Variants in PACSIN1 observed in about 807,000 individuals in gnomAD.
PACSIN1 encodes protein kinase C and casein kinase substrate in neurons 1.
A neutral mutation model predicts 59.5 loss-of-function variants in PACSIN1; 15 were observed. The observed-to-expected ratio is 0.25, with a 90% CI of 0.17 to 0.39. PACSIN1 has a LOEUF of 0.39. PACSIN1 is among the 10% of genes least tolerant of loss of function. The pLI is 1.00. For missense variants in PACSIN1, 420 were observed against 580.2 expected, an observed-to-expected ratio of 0.72 and a Z score of 2.84; for synonymous variants, 210 against 220.6, an observed-to-expected ratio of 0.95 and a Z score of 0.42.
intron 1 of PACSIN1, among the ~76,000 whole-genome samples, chr6:34,524,015 C>T (rs957572413): frequency 1.3e-5 from 2 of 152,170 alleles, no homozygotes; most frequent in East Asian, 3.9e-4. Flanking sequence ...CTGCGAATTG[C>T]CCATGGTCAC....
chr6:34,483,214 T>C (rs117167330), intron 1 of PACSIN1, among the ~76,000 whole-genome samples: 1,678 of 151,614 alleles, frequency 0.011, 42 homozygotes, highest in East Asian at 0.095. Flanking sequence ...CCATGTTATC[T>C]AGGCTGATCT....
At position 34,518,892 on chromosome 6, in the gene PACSIN1, C is replaced by T. The variant is rs1476796205; in HGVS notation, c.-63-7351C>T. Reference sequence around the variant, plus strand: ...CTGGTCTTACTCCCTGATGAGCCTGCCCCACCTGAAACAGGCTTAGAGGCC... The same window carrying T: ...CTGGTCTTACTCCCTGATGAGCCTGTCCCACCTGAAACAGGCTTAGAGGCC... On this transcript the variant is annotated intron_variant, in intron 1 of 9. Transcript: ENST00000244458. The surrounding 1 kb of genome is among the most constrained non-coding windows in gnomAD (Gnocchi z 4.4). Among the ~76,000 whole-genome samples the T allele has an allele frequency of 6.6e-6, 1 of 152,212 alleles. No homozygotes were observed. Among genetic ancestry groups the T allele is most frequent in the Non-Finnish European group, 1.5e-5 (1 of 68,040 alleles).
At chr6:34,526,452 C>A in intron 2 of PACSIN1, 84 bp downstream of exon 2, 1 of 1,128,594 alleles carries the variant, frequency 8.9e-7, no homozygotes, top group Non-Finnish European at 1.3e-6. Flanking sequence ...CACCCCATGA[C>A]CTCAGGCCCC....
rs139013835 is a variant in PACSIN1, at chr6:34,514,326, C to T, written c.-63-11917C>T. 3.2e-4 allele frequency among the ~76,000 whole-genome samples: 48 copies of T among 152,178 alleles called. No homozygotes were observed. In the East Asian group the frequency reaches 7.5e-3, roughly 24 times the overall value. On this transcript the variant is annotated intron_variant, in intron 1 of 9. Coordinates refer to ENST00000244458, the MANE Select transcript of PACSIN1 (RefSeq NM_020804.5). This position sits in a 1 kb window ranked among gnomAD's most constrained non-coding sequence, Gnocchi z 4.4. The stretch of plus-strand genomic sequence containing the variant: ...AACCTTGGACTCTCCAATTCTTTTA[C>T]AGCTGTGGCCCTCAGCTTCCAATCT...
chr6:34,473,324 C>T (rs1361416177), intron 1 of PACSIN1, among the ~76,000 whole-genome samples: 2 of 152,138 alleles, frequency 1.3e-5, no homozygotes, highest in Non-Finnish European at 2.9e-5. Context: ...AGGAAATCAG[C>T]ATAGGAACAC....
rs902889888 is a variant in PACSIN1, at chr6:34,477,353, GAAGA to G, written c.-64+11096_-64+11099del. On this transcript the variant is annotated intron_variant, in intron 1 of 9. Coordinates refer to ENST00000244458, the MANE Select transcript of PACSIN1 (RefSeq NM_020804.5). The stretch of plus-strand genomic sequence containing the variant: ...TTAAAAAAAAAAGAAAAAAGAAAAA[GAAGA>G]AAGAAAGAAAGAGAAAGAGAGAAAG... 2.2e-4 allele frequency among the ~76,000 whole-genome samples: 32 copies of G among 148,542 alleles called. No individual in the cohort carries two copies. The East Asian group carries it at 3.7e-3, about 17-fold the overall frequency.
At chr6:34,528,947 AG>A in intron 4 of PACSIN1, 70 bp downstream of exon 4, 1 of 1,250,988 alleles carries the variant, frequency 8.0e-7, no homozygotes, top group Non-Finnish European at 1.1e-6. Flanking sequence ...GATCCCAGGG[AG>A]GGCATCTATG....
chr6:34,500,008 A>G (rs1471296501), intron 1 of PACSIN1, among the ~76,000 whole-genome samples: 2 of 152,208 alleles, frequency 1.3e-5, no homozygotes, highest in African/African-American at 2.4e-5. Flanking sequence ...TGCAAATCCT[A>G]TGTCTAATGA....
intron 1 of PACSIN1, among the ~76,000 whole-genome samples, chr6:34,499,431 C>T (rs527775943): frequency 1.3e-4 from 20 of 150,916 alleles, no homozygotes; most frequent in Admixed American, 2.0e-4. Flanking sequence ...ATACTAGATA[C>T]AAAAATTAAC....
At chr6:34,501,855 C>T (rs563708490) in intron 1 of PACSIN1, among the ~76,000 whole-genome samples, 17 of 151,972 alleles carry the variant, frequency 1.1e-4, no homozygotes, top group Admixed American at 9.8e-4. Flanking sequence ...ATGGTGAAAC[C>T]CCATCTCTAC....
At chr6:34,528,973 G>A in intron 4 of PACSIN1, 96 bp downstream of exon 4, 1 of 944,400 alleles carries the variant, frequency 1.1e-6, no homozygotes, top group Non-Finnish European at 1.6e-6. Flanking sequence ...GGTGGGCTGG[G>A]CACTGCCCTC....
rs537144328 is a variant in PACSIN1 at position 34,493,602 on chromosome 6, C to T, written c.-64+27332C>T. On this transcript the variant is annotated intron_variant, in intron 1 of 9. Transcript: ENST00000244458. ...TATCTGTCTTTTCATTTTAGCCACC[C>T]TGATGGTCCAGACATCACTGATTCT... Among the ~76,000 whole-genome samples the T allele has an allele frequency of 9.7e-4, 147 of 152,322 alleles. 1 individual carries two copies. The highest frequency in any genetic ancestry group is 3.4e-3 in the African/African-American group (141 of 41,562).
At chr6:34,486,104 A>G (rs767400955) in intron 1 of PACSIN1, among the ~76,000 whole-genome samples, 1 of 151,492 alleles carries the variant, frequency 6.6e-6, no homozygotes, top group Non-Finnish European at 1.5e-5. Flanking sequence ...ATCATTCAGG[A>G]GAGGGGAGAG....
At position 34,521,832 on chromosome 6, in the gene PACSIN1, ACAGAT is replaced by A. The variant is rs1767398027; in HGVS notation, c.-63-4410_-63-4406del. Among the ~76,000 whole-genome samples the A allele has an allele frequency of 6.6e-6, 1 of 152,108 alleles. No homozygotes were observed. Among genetic ancestry groups the A allele is most frequent in the Non-Finnish European group, 1.5e-5 (1 of 67,996 alleles). The stretch of plus-strand genomic sequence containing the variant: ...TTTAATCCTTGCAACAGCCCATTTT[ACAGAT>A]GCGGACGCCGAGGCCTGGGAAGAGG... On this transcript the variant is annotated intron_variant, in intron 1 of 9. Coordinates refer to ENST00000244458, the MANE Select transcript of PACSIN1 (RefSeq NM_020804.5). The surrounding 1 kb of genome is among the most constrained non-coding windows in gnomAD (Gnocchi z 4.3).
intron 1 of PACSIN1, among the ~76,000 whole-genome samples, chr6:34,510,028 A>C (rs1262000085): frequency 6.6e-6 from 1 of 152,248 alleles, no homozygotes; most frequent in East Asian, 1.9e-4. Flanking sequence ...TAGAATTTAT[A>C]CAATGATATC....
Position 34,530,319 on chromosome 6 carries a change from A to G in PACSIN1, c.865A>G (p.Ser289Gly). 1.9e-6 allele frequency: 3 copies of G among 1,614,142 alleles called. No homozygotes were observed. The highest frequency in any genetic ancestry group is 2.5e-6 in the Non-Finnish European group (3 of 1,180,008). ...DAQEDLRWFR[S>G]TSGPGMPMNW... is the part of the protein sequence containing the mutation. ...CCAGGAAGACCTCAGATGGTTCCGCAGCACCAGTGGCCCCGGCATGCCCAT... is the reference window on the plus strand; with the variant it reads ...CCAGGAAGACCTCAGATGGTTCCGCGGCACCAGTGGCCCCGGCATGCCCAT... Residue 289 changes from serine to glycine, a missense_variant, in exon 7 of 10, where the codon AGC becomes GGC. Coordinates refer to ENST00000244458, the MANE Select transcript of PACSIN1 (RefSeq NM_020804.5). The surrounding 1 kb of genome is among the most constrained non-coding windows in gnomAD (Gnocchi z 4.4).
chr6:34,498,635 T>G (rs1766980876), intron 1 of PACSIN1, among the ~76,000 whole-genome samples: 1 of 151,608 alleles, frequency 6.6e-6, no homozygotes, highest in Non-Finnish European at 1.5e-5. Flanking sequence ...TTGTCTTGAC[T>G]AAATACACAA....
In PACSIN1 at chr6:34,530,363, G is replaced by A. The variant is rs1363917859; in HGVS notation, c.909G>A (p.Glu303=). 3.1e-6 allele frequency: 5 copies of A among 1,613,866 alleles called. No individual in the cohort carries two copies. The highest frequency in any genetic ancestry group is 4.2e-6 in the Non-Finnish European group (5 of 1,179,832). Reference sequence around the variant, plus strand: ...TGCCCATGAACTGGCCCCAGTTTGAGGTGAGGATATGTGGGGATGGGAAGG... The same window carrying A: ...TGCCCATGAACTGGCCCCAGTTTGAAGTGAGGATATGTGGGGATGGGAAGG... The part of the protein sequence containing the change: ...PGMPMNWPQF[E]EWNPDLPHTT... The change falls in exon 7 of 10, where the codon GAG becomes GAA. Residue 303 remains glutamate, a splice_region_variant and synonymous_variant. Transcript: ENST00000244458. This position sits in a 1 kb window ranked among gnomAD's most constrained non-coding sequence, Gnocchi z 4.4.
chr6:34,524,790 TGTATG>T (rs1767455045), intron 1 of PACSIN1, among the ~76,000 whole-genome samples: 1 of 152,210 alleles, frequency 6.6e-6, no homozygotes, highest in South Asian at 2.1e-4. Flanking sequence ...CAATAACAAT[TGTATG>T]GTATTAAGTT....
Sources: gnomAD v4.1 joint callset for allele counts (sites outside exome capture counted in the v4.1 genomes callset) on GRCh38, gnomAD v4.1.1 for gene constraint, Gnocchi (gnomAD v3.1) non-coding constraint, MANE v1.5 for transcripts, NCBI Gene and HGNC (gene_info 2026-07-23, HGNC 2026-07-21) for gene names.